SMIM41: variants seen among roughly 807,000 people sequenced by gnomAD.
SMIM41 encodes the protein small integral membrane protein 41.
intron 2 of SMIM41, among the ~76,000 whole-genome samples, chr12:52,092,877 T>C (rs1248923435): frequency 6.6e-6 from 1 of 152,076 alleles, no homozygotes; most frequent in Non-Finnish European, 1.5e-5. Context: ...TTTTAAAGAG[T>C]GATTTAGAAA....
intron 1 of SMIM41, among the ~76,000 whole-genome samples, chr12:52,080,786 G>A (rs1049458838): frequency 6.6e-6 from 1 of 152,178 alleles, no homozygotes. Flanking sequence ...GTGTGGTCAT[G>A]TTTGAGGGCA....
chr12:52,094,450 G>C (rs1446809525), intron 2 of SMIM41, among the ~76,000 whole-genome samples: 1 of 152,072 alleles, frequency 6.6e-6, no homozygotes, highest in African/African-American at 2.4e-5. Flanking sequence ...TGATCTACCT[G>C]CCTTGGCCTC....
chr12:52,105,954 G>T (rs1425423655), intron 2 of SMIM41, among the ~76,000 whole-genome samples: 1 of 152,148 alleles, frequency 6.6e-6, no homozygotes, highest in Non-Finnish European at 1.5e-5. Flanking sequence ...TTGATCCAAT[G>T]GAAGTGAGTG....
intron 1 of SMIM41, among the ~76,000 whole-genome samples, 191 bp downstream of exon 1, chr12:52,080,372 C>CAGG (rs1461150525): frequency 1.4e-4 from 22 of 152,286 alleles, no homozygotes; most frequent in Admixed American, 1.4e-3. Context: ...TGTGCGGGAT[C>CAGG]AGGAGGAGGC....
intron 2 of SMIM41, among the ~76,000 whole-genome samples, chr12:52,094,467 T>C (rs1458765075): frequency 6.6e-6 from 1 of 152,110 alleles, no homozygotes; most frequent in African/African-American, 2.4e-5. Flanking sequence ...CCTCCCAAAG[T>C]GCTAGGATTA....
Position 52,107,672 on chromosome 12 carries a change from T to C in SMIM41, c.*489T>C, listed in dbSNP as rs1036762123. ...TTTTTGGAGGCACGGAAGAGAGACA[T>C]GCTCCTGAGTGTGATGGCCTATGAC... On this transcript the variant is annotated 3_prime_UTR_variant, in exon 3 of 3. Coordinates refer to ENST00000546390, the MANE Select transcript of SMIM41 (RefSeq NM_001369216.1). The C allele has an allele frequency of 1.5e-5, 8 of 523,578 alleles. No individual in the cohort carries two copies. Among genetic ancestry groups the C allele is most frequent in the Non-Finnish European group, 2.6e-5 (7 of 267,540 alleles). The allele number at this position is 523,578 out of a possible 1,614,324, so 32.4% of individuals were successfully genotyped here.
chr12:52,096,070 A>G (rs1940087872), intron 2 of SMIM41, among the ~76,000 whole-genome samples: 1 of 151,422 alleles, frequency 6.6e-6, no homozygotes, highest in Non-Finnish European at 1.5e-5. Flanking sequence ...GTGGGTGTAC[A>G]TCTCCTGTTG....
chr12:52,088,780 CCCTCAATG>C (rs894193517), intron 2 of SMIM41, among the ~76,000 whole-genome samples: 8 of 152,186 alleles, frequency 5.3e-5, no homozygotes, highest in African/African-American at 1.9e-4. Flanking sequence ...GTTTCACACT[CCCTCAATG>C]TGGTGTCCAC....
chr12:52,107,203 G>A, intron 2 of SMIM41, 176 bp from the exon 3 acceptor site: 1 of 360,166 alleles, frequency 2.8e-6, no homozygotes, highest in Admixed American at 3.7e-5. Context: ...CCTGAGTGTG[G>A]ATTGCTCTGG....
chr12:52,096,574 T>C (rs1234438392), intron 2 of SMIM41, among the ~76,000 whole-genome samples: 2 of 151,816 alleles, frequency 1.3e-5, no homozygotes, highest in Non-Finnish European at 2.9e-5. Context: ...TTTTGGATTA[T>C]TAACATTAAT....
At chr12:52,085,324 A>G (rs908580583) in intron 2 of SMIM41, among the ~76,000 whole-genome samples, 6 of 152,090 alleles carry the variant, frequency 3.9e-5, no homozygotes, top group Admixed American at 1.3e-4. Flanking sequence ...CATGGTCTGG[A>G]TTTGAATTCT....
intron 2 of SMIM41, chr12:52,107,152 G>A (rs1190777634): frequency 2.9e-6 from 1 of 345,748 alleles, no homozygotes; most frequent in Non-Finnish European, 5.7e-6. Flanking sequence ...AATGATGAAA[G>A]CATTATAAGA....
chr12:52,080,996 C>T (rs993334031), intron 1 of SMIM41, among the ~76,000 whole-genome samples: 8 of 151,996 alleles, frequency 5.3e-5, no homozygotes, highest in East Asian at 1.9e-4. Context: ...AGCGCTGCTC[C>T]GGGAAGTGGG....
chr12:52,095,196 C>T (rs1401051553), intron 2 of SMIM41, among the ~76,000 whole-genome samples: 1 of 151,770 alleles, frequency 6.6e-6, no homozygotes, highest in Non-Finnish European at 1.5e-5. Context: ...GATCCACGCT[C>T]CTTGGTCTCC....
rs185703283 is a variant in SMIM41, at chr12:52,105,615, T to C, written c.*196-1764T>C. Among the ~76,000 whole-genome samples the C allele has an allele frequency of 1.1e-4, 16 of 152,126 alleles. No individual in the cohort carries two copies. The East Asian group carries it at 2.9e-3, about 28-fold the overall frequency. On this transcript the variant is annotated intron_variant, in intron 2 of 2. Transcript: ENST00000546390. Reference sequence around the variant, plus strand: ...AAAATAGAAAAAAATTAGTCGGGCATAGTGGCGGGCGCCTGTAATCTCAGC... The same window carrying C: ...AAAATAGAAAAAAATTAGTCGGGCACAGTGGCGGGCGCCTGTAATCTCAGC...
intron 2 of SMIM41, among the ~76,000 whole-genome samples, chr12:52,089,326 G>A (rs574596040): frequency 3.3e-5 from 5 of 152,178 alleles, no homozygotes; most frequent in African/African-American, 1.2e-4. Flanking sequence ...CGGGTGGGGC[G>A]GCTCACACCC....
Position 52,081,579 on chromosome 12 carries a change from T to C in SMIM41, c.*120+1398T>C, listed in dbSNP as rs912187639. 6.6e-6 allele frequency among the ~76,000 whole-genome samples: 1 copy of C among 152,062 alleles called. No individual in the cohort carries two copies. The highest frequency in any genetic ancestry group is 2.4e-5 in the African/African-American group (1 of 41,396). On this transcript the variant is annotated intron_variant, in intron 1 of 2. Transcript: ENST00000546390. This position sits in a 1 kb window ranked among gnomAD's most constrained non-coding sequence, Gnocchi z 4.1. ...AGGGCCCTGAGGCGTGTGTGTAGTG[T>C]GTCTGTTACTGCACCTGGCACAGGC...
At chr12:52,087,790 C>G (rs1939914422) in intron 2 of SMIM41, 1 of 152,290 alleles carries the variant, frequency 6.6e-6, no homozygotes, top group South Asian at 2.1e-4. Context: ...CGCTGGGGCT[C>G]TGGAGCGCCT....
chr12:52,107,911 C>T lies in SMIM41; in HGVS notation c.*728C>T, dbSNP rs1010195033. 1.4e-5 allele frequency: 4 copies of T among 290,160 alleles called. No homozygotes were observed. Among genetic ancestry groups the T allele is most frequent in the South Asian group, 3.4e-5 (1 of 29,746 alleles). The allele number at this position is 290,160 out of a possible 1,614,324, so 18.0% of individuals were successfully genotyped here. The stretch of plus-strand genomic sequence containing the variant: ...ACTCCCCCATCTTGCCGTTGTGACA[C>T]CTTCATCAATAACATAATCATGTAT... On this transcript the variant is annotated 3_prime_UTR_variant, in exon 3 of 3. Transcript: ENST00000546390.
Sources: gnomAD v4.1 joint callset for allele counts (sites outside exome capture counted in the v4.1 genomes callset) on GRCh38, gnomAD v4.1.1 for gene constraint, Gnocchi (gnomAD v3.1) non-coding constraint, MANE v1.5 for transcripts, NCBI Gene and HGNC (gene_info 2026-07-23, HGNC 2026-07-21) for gene names.